The following CD34 variants were observed in gnomAD, a reference collection of about 807,000 sequenced individuals.
CD34 encodes the protein CD34 molecule, also known as hematopoietic progenitor cell antigen CD34.
CD34 carries 34 observed loss-of-function variants against 40.1 expected under a neutral mutation model. The observed-to-expected ratio is 0.85, with a 90% confidence interval of 0.65 to 1.13. The LOEUF (loss-of-function observed/expected upper bound fraction) is 1.13. CD34 is among the 50% of genes most tolerant of loss of function. CD34 has a pLI of 0.00. For synonymous variants in CD34, 209 were observed against 190.0 expected (o/e 1.10, Z -0.82); for missense variants, 426 against 466.9 (o/e 0.91, Z 0.81).
intron 4 of CD34, among the ~76,000 whole-genome samples, chr1:207,894,279 C>G (rs1365420556): frequency 2.6e-5 from 4 of 152,204 alleles, no homozygotes; most frequent in Non-Finnish European, 4.4e-5. Context: ...AGACATTATA[C>G]TGAGTGAAAT....
At chr1:207,897,742 C>T (rs985582500) in intron 3 of CD34, among the ~76,000 whole-genome samples, 169 bp from the exon 4 acceptor site, 4 of 152,206 alleles carry the variant, frequency 2.6e-5, no homozygotes, top group Non-Finnish European at 5.9e-5. Context: ...TTCTAATAGT[C>T]ATACTCTCGT....
At position 207,888,846 on chromosome 1, in the gene CD34, G is replaced by A; in HGVS notation, c.808C>T (p.Leu270=). The change falls in exon 7 of 8, where the codon CTG becomes TTG. Residue 270 remains leucine, a splice_region_variant and synonymous_variant. Coordinates refer to ENST00000310833, the MANE Select transcript of CD34 (RefSeq NM_001025109.2). ...TGCTCAGTGAAATCTAGGATCCCCAGCTTGAAAAGAAGACAAAGAAGATAC... is the reference window on the plus strand; with the variant it reads ...TGCTCAGTGAAATCTAGGATCCCCAACTTGAAAAGAAGACAAAGAAGATAC... ...MKKHQSDLKK[L]GILDFTEQDV... is the part of the protein sequence containing the mutation. The A allele has an allele frequency of 6.2e-7, 1 of 1,613,944 alleles. No homozygotes were observed. Among genetic ancestry groups the A allele is most frequent in the Non-Finnish European group, 8.5e-7 (1 of 1,179,890 alleles).
intron 1 of CD34, among the ~76,000 whole-genome samples, 179 bp downstream of exon 1, chr1:207,910,823 C>G (rs1662494610): frequency 6.6e-6 from 1 of 151,198 alleles, no homozygotes; most frequent in South Asian, 2.1e-4. Context: ...CCCCTCCCAC[C>G]CCCGTCAGCT....
intron 5 of CD34, 31 bp from the exon 6 acceptor site, chr1:207,889,244 A>G (rs2102295263): frequency 1.2e-6 from 2 of 1,614,008 alleles, no homozygotes; most frequent in South Asian, 1.1e-5. Context: ...TGCTAAATCT[A>G]AAGAGAAACC....
rs1175582247 is a variant in CD34, at chr1:207,910,984, C to T, written c.79+18G>A. ...CCGCGGCGAAGCCAAGCGGCCGCGG[C>T]GCGCGGGCGGTACTCACGCAGCAAA... On this transcript the variant is annotated intron_variant, in intron 1 of 7. Transcript: ENST00000310833. 8 of 1,564,872 alleles carry T rather than the reference C, an allele frequency of 5.1e-6. No homozygotes were observed. The highest frequency in any genetic ancestry group is 6.9e-6 in the Non-Finnish European group (8 of 1,157,974).
chr1:207,881,659 C>CAAAAAAAAAA lies in CD34; in HGVS notation c.*6069_*6078dup, dbSNP rs58259152. On this transcript the variant is annotated 3_prime_UTR_variant, in exon 8 of 8. Coordinates refer to ENST00000310833, the MANE Select transcript of CD34 (RefSeq NM_001025109.2). ...TGGGTGACAGAGCGAGACTCCGTCT[C>CAAAAAAAAAA]AAAAAAAAAAAAAAAAAAAAAGAAT... The CAAAAAAAAAA allele has an allele frequency of 1.4e-5, 1 of 69,030 alleles. No individual in the cohort carries two copies. Among genetic ancestry groups the CAAAAAAAAAA allele is most frequent in the East Asian group, 3.4e-4 (1 of 2,946 alleles). The allele number at this position is 69,030 out of a possible 1,614,324, so 4.3% of individuals were successfully genotyped here. A position where few individuals can be genotyped will look rare whatever the true frequency, so the allele number is the denominator to read the frequency against.
At chr1:207,899,596 C>G (rs546268458) in intron 2 of CD34, among the ~76,000 whole-genome samples, 3 of 152,170 alleles carry the variant, frequency 2.0e-5, no homozygotes, top group Non-Finnish European at 2.9e-5. Flanking sequence ...GGAGGCATTA[C>G]TGATCAGGAT....
At chr1:207,909,144 T>C (rs1662447653) in intron 1 of CD34, among the ~76,000 whole-genome samples, 1 of 152,192 alleles carries the variant, frequency 6.6e-6, no homozygotes, top group Non-Finnish European at 1.5e-5. Context: ...AATGGGGCCT[T>C]GTGCCTCATC....
At chr1:207,908,198 A>T (rs1420671458) in intron 1 of CD34, among the ~76,000 whole-genome samples, 2 of 152,214 alleles carry the variant, frequency 1.3e-5, no homozygotes, top group African/African-American at 2.4e-5. Context: ...AAAGATTGCG[A>T]AGGAAGGAGA....
chr1:207,899,933 T>G lies in CD34; in HGVS notation c.150A>C (p.Ser50=). 6.2e-7 allele frequency: 1 copy of G among 1,614,016 alleles called. No individual in the cohort carries two copies. The highest frequency in any genetic ancestry group is 1.3e-5 in the African/African-American group (1 of 75,016). Residue 50 remains serine, a synonymous_variant, in exon 2 of 8, where the codon TCA becomes TCC. Transcript: ENST00000310833. ...TPELPTQGTF[S]NVSTNVSYQE... The stretch of plus-strand genomic sequence containing the variant: ...GGTAGGATACATTTGTAGAAACATT[T>G]GAAAATGTTCCCTGGGTAGGTAACT...
chr1:207,881,702 G>GC lies in CD34; in HGVS notation c.*6035dup, dbSNP rs1368508417. On this transcript the variant is annotated 3_prime_UTR_variant, in exon 8 of 8. Transcript: ENST00000310833. ...AAAAGAATCAGCATTCTTCTCTTCA[G>GC]CCAGATATTAGAGAGATTTACCAAA... 1 of 149,396 alleles carries GC rather than the reference G, an allele frequency of 6.7e-6. No homozygotes were observed. Among genetic ancestry groups the GC allele is most frequent in the Non-Finnish European group, 1.5e-5 (1 of 67,606 alleles). 9.3% of individuals were successfully genotyped at this position (149,396 alleles called of 1,614,324 possible).
intron 4 of CD34, among the ~76,000 whole-genome samples, chr1:207,891,289 G>T (rs912768885): frequency 3.9e-5 from 6 of 152,158 alleles, no homozygotes; most frequent in African/African-American, 1.4e-4. Flanking sequence ...ATGTGTATGT[G>T]TGTTGTATTC....
At chr1:207,892,807 C>T (rs979019947) in intron 4 of CD34, among the ~76,000 whole-genome samples, 1 of 152,004 alleles carries the variant, frequency 6.6e-6, no homozygotes. Context: ...GCATTTACAA[C>T]CCAGACTGCA....
chr1:207,907,524 T>A (rs1662405262), intron 1 of CD34, among the ~76,000 whole-genome samples: 1 of 152,176 alleles, frequency 6.6e-6, no homozygotes. Flanking sequence ...ATGCCACTCC[T>A]CTCTAAGAAG....
At chr1:207,888,510 CATA>C (rs1661957419) in intron 7 of CD34, among the ~76,000 whole-genome samples, 169 bp downstream of exon 7, 1 of 152,234 alleles carries the variant, frequency 6.6e-6, no homozygotes, top group South Asian at 2.1e-4. Context: ...CAGTTTGCTA[CATA>C]ATATTTTGAA....
At position 207,889,505 on chromosome 1, in the gene CD34, C is replaced by A; in HGVS notation, c.714G>T (p.Val238=). Residue 238 remains valine, a synonymous_variant, in exon 5 of 8, where the codon GTG becomes GTT. Transcript: ENST00000310833. ...AGACCAGCAGTAGACACTGAGGCCT[C>A]ACCTCAGACTGGGCAAGGAGCAGGG... The part of the protein sequence containing the change: ...VCSLLLAQSE[V]RPQCLLLVLA... 1 of 1,614,044 alleles carries A rather than the reference C, an allele frequency of 6.2e-7. No individual in the cohort carries two copies. Among genetic ancestry groups the A allele is most frequent in the South Asian group, 1.1e-5 (1 of 91,062 alleles).
intron 1 of CD34, among the ~76,000 whole-genome samples, chr1:207,905,663 T>G (rs1269496531): frequency 1.3e-5 from 2 of 152,256 alleles, no homozygotes; most frequent in South Asian, 4.1e-4. Context: ...AATCAGAAAT[T>G]CTAAAATACT....
chr1:207,887,747 G>A lies in CD34; in HGVS notation c.1149C>T (p.Thr383=), dbSNP rs1661931190. 5.0e-6 allele frequency: 8 copies of A among 1,614,012 alleles called. No homozygotes were observed. Among genetic ancestry groups the A allele is most frequent in the South Asian group, 1.1e-5 (1 of 91,092 alleles). ...HSARQHVVAD[T]EL is the part of the protein sequence containing the mutation. ...GCCCCACCTAGCCGAGTCACAATTC[G>A]GTATCAGCCACCACGTGTTGTCTTG... Residue 383 remains threonine, a synonymous_variant, in exon 8 of 8, where the codon ACC becomes ACT. Coordinates refer to ENST00000310833, the MANE Select transcript of CD34 (RefSeq NM_001025109.2).
chr1:207,899,882 A>G lies in CD34; in HGVS notation c.201T>C (p.Leu67=), dbSNP rs768260843. 1.9e-6 allele frequency: 3 copies of G among 1,613,982 alleles called. No homozygotes were observed. The highest frequency in any genetic ancestry group is 2.5e-6 in the Non-Finnish European group (3 of 1,179,916). ...ACACAGGGTGCAGGCTGGTACTTCC[A>G]AGGGTACTAGGTGTTGTAGTTTCTT... The part of the protein sequence containing the change: ...SYQETTTPST[L]GSTSLHPVSQ... The change falls in exon 2 of 8, where the codon CTT becomes CTC. Residue 67 remains leucine (L), a synonymous_variant. Transcript: ENST00000310833.
Sources: allele counts gnomAD v4.1 joint callset (sites outside exome capture counted in the v4.1 genomes callset), GRCh38; gene constraint gnomAD v4.1.1; transcripts MANE v1.5; gene names NCBI Gene and HGNC (gene_info 2026-07-23, HGNC 2026-07-21).